Variants in DHX15 observed in about 807,000 individuals in gnomAD.
DHX15 encodes DEAH-box helicase 15.
DHX15 carries 11 observed loss-of-function variants against 94.4 expected under a neutral mutation model. The ratio of observed to expected loss-of-function variants is 0.12; its 90% CI spans 0.07 to 0.19. The LOEUF (loss-of-function observed/expected upper bound fraction) is 0.19, where lower values mean the gene tolerates loss of function less well. DHX15 is among the 10% of genes least tolerant of loss of function. The pLI, the probability that DHX15 is intolerant of heterozygous loss-of-function variation, is 1.00. For synonymous variants in DHX15, 338 were observed against 329.9 expected, an observed-to-expected ratio of 1.02 and a Z score of -0.27; for missense variants, 304 against 988.5, an observed-to-expected ratio of 0.31 and a Z score of 9.29.
intron 1 of DHX15, 118 bp from the exon 2 acceptor site, chr4:24,576,796 T>C: frequency 1.5e-6 from 2 of 1,370,324 alleles, no homozygotes; most frequent in Non-Finnish European, 1.9e-6. Context: ...TCCAATGGAT[T>C]ATGTAACTAT....
chr4:24,579,906 C>CAGT lies in DHX15; in HGVS notation c.72-3229_72-3228insACT, dbSNP rs1722371092. ...TCAGCCTCCAGAGTAGCTGGGACTA[C>CAGT]AGGCACATGCTGCCACACCCAGTTA... On this transcript the variant is annotated intron_variant, in intron 1 of 13. Transcript: ENST00000336812. Among the ~76,000 whole-genome samples, 8 of 152,222 alleles carry CAGT rather than the reference C, an allele frequency of 5.3e-5. No individual in the cohort carries two copies. The South Asian group carries it at 1.7e-3, about 32-fold the overall frequency.
At chr4:24,575,543 C>T (rs1722238287) in intron 2 of DHX15, among the ~76,000 whole-genome samples, 1 of 152,202 alleles carries the variant, frequency 6.6e-6, no homozygotes. Context: ...TAGTTTCCCA[C>T]GTGTTCTCCT....
intron 6 of DHX15, 151 bp downstream of exon 6, chr4:24,548,704 G>A (rs1577338866): frequency 4.3e-6 from 3 of 699,120 alleles, no homozygotes; most frequent in East Asian, 5.5e-5. Context: ...TTAGGGTCAA[G>A]AGATATGCGG....
chr4:24,581,409 AAC>A (rs1269578421), intron 1 of DHX15, among the ~76,000 whole-genome samples: 3 of 152,252 alleles, frequency 2.0e-5, no homozygotes, highest in Non-Finnish European at 4.4e-5. Flanking sequence ...AGTACAAAAT[AAC>A]ACGCGTTGAT....
chr4:24,546,635 T>C (rs1179021468), intron 6 of DHX15, among the ~76,000 whole-genome samples: 1 of 152,210 alleles, frequency 6.6e-6, no homozygotes, highest in Non-Finnish European at 1.5e-5. Context: ...TGCTAAAAAC[T>C]TGAAATCGTT....
chr4:24,532,852 TTA>T lies in DHX15; in HGVS notation c.2100+10_2100+11del. 1 of 1,559,040 alleles carries T rather than the reference TTA, an allele frequency of 6.4e-7. No homozygotes were observed. The highest frequency in any genetic ancestry group is 1.2e-5 in the South Asian group (1 of 84,886). ...GAATACTTAGTTATTCATTCCCATATTATCTACATACCTGCATAAAATACCCA... is the reference window on the plus strand; with the variant it reads ...GAATACTTAGTTATTCATTCCCATATTCTACATACCTGCATAAAATACCCA... On this transcript the variant is annotated intron_variant, in intron 12 of 13. Transcript: ENST00000336812.
At chr4:24,562,006 C>T (rs1392787989) in intron 3 of DHX15, among the ~76,000 whole-genome samples, 1 of 151,924 alleles carries the variant, frequency 6.6e-6, no homozygotes, top group African/African-American at 2.4e-5. Context: ...TGGCGTGCAC[C>T]TGTAGCCCCA....
chr4:24,531,247 C>A (rs1430299915), intron 12 of DHX15, among the ~76,000 whole-genome samples: 2 of 152,094 alleles, frequency 1.3e-5, no homozygotes, highest in African/African-American at 4.8e-5. Context: ...CGCCACCGCG[C>A]CCGGCTAATT....
At chr4:24,529,545 G>T in intron 13 of DHX15, 56 bp downstream of exon 13, 1 of 1,500,822 alleles carries the variant, frequency 6.7e-7, no homozygotes, top group Admixed American at 1.8e-5. Flanking sequence ...CAACAGTCAG[G>T]TTCCATTTTG....
At position 24,566,743 on chromosome 4, in the gene DHX15, T is replaced by C. The variant is rs528718103; in HGVS notation, c.701+3911A>G. Among the ~76,000 whole-genome samples, 21 of 152,246 alleles carry C rather than the reference T, an allele frequency of 1.4e-4. No homozygotes were observed. In the East Asian group the frequency reaches 3.9e-3, roughly 28 times the overall value. ...CGGGAGGGTGAGGCATGAGAATCGC[T>C]TGAACCCGGCGGGTGGAGGTTGCAG... On this transcript the variant is annotated intron_variant, in intron 3 of 13. Coordinates refer to ENST00000336812, the MANE Select transcript of DHX15 (RefSeq NM_001358.3).
chr4:24,540,865 T>C lies in DHX15; in HGVS notation c.1569A>G (p.Val523=), dbSNP rs1721294426. 2 of 1,603,626 alleles carry C rather than the reference T, an allele frequency of 1.2e-6. No homozygotes were observed. Among genetic ancestry groups the C allele is most frequent in the Non-Finnish European group, 1.7e-6 (2 of 1,172,314 alleles). ...CTGGTGGATCCATAAAATCAAAATGTACCAAGTCATCAATACCAAGTTTCT... is the reference window on the plus strand; with the variant it reads ...CTGGTGGATCCATAAAATCAAAATGCACCAAGTCATCAATACCAAGTTTCT... ...QLKKLGIDDL[V]HFDFMDPPAP... is the part of the protein sequence containing the mutation. Residue 523 remains valine, a synonymous_variant, in exon 9 of 14, where the codon GTA becomes GTG. Coordinates refer to ENST00000336812, the MANE Select transcript of DHX15 (RefSeq NM_001358.3).
intron 2 of DHX15, among the ~76,000 whole-genome samples, chr4:24,574,079 G>A (rs185730996): frequency 2.3e-4 from 34 of 150,698 alleles, no homozygotes; most frequent in South Asian, 6.3e-4. Context: ...GGTGGTGCGC[G>A]CTTGTAGTCC....
intron 6 of DHX15, among the ~76,000 whole-genome samples, chr4:24,543,669 A>G (rs1721364021): frequency 6.6e-6 from 1 of 152,212 alleles, no homozygotes; most frequent in Admixed American, 6.5e-5. Context: ...TAAAGCATTT[A>G]CATACTAATA....
rs1291819293 is a variant in DHX15 at position 24,537,768 on chromosome 4, G to C, written c.1787-595C>G. 1 of 152,154 alleles carries C rather than the reference G, an allele frequency of 6.6e-6. No homozygotes were observed. The highest frequency in any genetic ancestry group is 6.5e-5 in the Admixed American group (1 of 15,272). The allele number at this position is 152,154 out of a possible 1,614,324, so 9.4% of individuals were successfully genotyped here. On this transcript the variant is annotated intron_variant, in intron 10 of 13. Transcript: ENST00000336812. This position sits in a 1 kb window ranked among gnomAD's most constrained non-coding sequence, Gnocchi z 4.7. Reference sequence around the variant, plus strand: ...AAAATATCAAGAATTCTTGGGTTTGGATGATAGCAGTAGTGGTGGAAGGTT... The same window carrying C: ...AAAATATCAAGAATTCTTGGGTTTGCATGATAGCAGTAGTGGTGGAAGGTT...
intron 6 of DHX15, among the ~76,000 whole-genome samples, chr4:24,547,881 C>CTA (rs1560765557): frequency 4.0e-4 from 12 of 29,706 alleles, no homozygotes; most frequent in Non-Finnish European, 4.0e-4. Context: ...CTCTCTCTCT[C>CTA]TCTCTCTCTA....
chr4:24,527,785 A>G lies in DHX15; in HGVS notation c.*139T>C, dbSNP rs1044372684. 8.8e-6 allele frequency: 5 copies of G among 570,814 alleles called. No homozygotes were observed. The highest frequency in any genetic ancestry group is 3.5e-4 in the Middle Eastern group (1 of 2,880). The allele number at this position is 570,814 out of a possible 1,614,324, so 35.4% of individuals were successfully genotyped here. ...GTTTAATTTATGAAATCAGAATGGA[A>G]TATTTACTGTAAAGAAAAATTAAAA... On this transcript the variant is annotated 3_prime_UTR_variant, in exon 14 of 14. Transcript: ENST00000336812.
intron 3 of DHX15, among the ~76,000 whole-genome samples, chr4:24,560,444 G>A (rs1721848928): frequency 6.9e-6 from 1 of 144,828 alleles, no homozygotes; most frequent in East Asian, 2.2e-4. Flanking sequence ...AGGGTATGAT[G>A]CAAAACCTGG....
chr4:24,548,083 T>C (rs556698030), intron 6 of DHX15, among the ~76,000 whole-genome samples: 49 of 150,408 alleles, frequency 3.3e-4, no homozygotes, highest in African/African-American at 1.1e-3. Context: ...TGACAGGATC[T>C]AGATGAAGCT....
At chr4:24,545,032 G>A (rs1393347980) in intron 6 of DHX15, among the ~76,000 whole-genome samples, 1 of 152,118 alleles carries the variant, frequency 6.6e-6, no homozygotes, top group Non-Finnish European at 1.5e-5. Context: ...GACTGCTTGA[G>A]TCCAGGAGGT....
Sources: allele counts gnomAD v4.1 joint callset (sites outside exome capture counted in the v4.1 genomes callset), GRCh38; gene constraint gnomAD v4.1.1; non-coding constraint Gnocchi (gnomAD v3.1); transcripts MANE v1.5; gene names NCBI Gene and HGNC (gene_info 2026-07-23, HGNC 2026-07-21).